The following SESN1 variants were observed in gnomAD, a reference collection of about 807,000 sequenced individuals.
SESN1 encodes sestrin-1.
A neutral mutation model predicts 59.3 loss-of-function variants in SESN1; 30 were observed. The observed-to-expected ratio is 0.51, with a 90% confidence interval of 0.38 to 0.69. The LOEUF (loss-of-function observed/expected upper bound fraction) is 0.69, where lower values mean the gene tolerates loss of function less well. SESN1 is among the 30% of genes least tolerant of loss of function. The pLI is 0.00. For synonymous variants in SESN1, 197 were observed against 219.9 expected, an observed-to-expected ratio of 0.90 and a Z score of 0.92; for missense variants, 566 against 673.0, an observed-to-expected ratio of 0.84 and a Z score of 1.76.
chr6:109,071,468 G>A (rs983333868), intron 1 of SESN1, among the ~76,000 whole-genome samples: 1 of 151,704 alleles, frequency 6.6e-6, no homozygotes, highest in African/African-American at 2.4e-5. Context: ...GCTCAGAGAT[G>A]GTAAGTAACT....
intron 1 of SESN1, among the ~76,000 whole-genome samples, chr6:109,087,773 T>C (rs1781237946): frequency 6.6e-6 from 1 of 152,208 alleles, no homozygotes; most frequent in Non-Finnish European, 1.5e-5. Flanking sequence ...CTGTTATATT[T>C]TATAGCCCCA....
chr6:109,014,605 T>A (rs1317296730), intron 1 of SESN1, among the ~76,000 whole-genome samples: 1 of 152,242 alleles, frequency 6.6e-6, no homozygotes, highest in Non-Finnish European at 1.5e-5. Flanking sequence ...CCCTTGCTTT[T>A]ACTCAGGGTG....
chr6:109,004,782 C>T (rs1779696960), intron 1 of SESN1, among the ~76,000 whole-genome samples: 2 of 152,082 alleles, frequency 1.3e-5, no homozygotes, highest in Admixed American at 1.3e-4. Flanking sequence ...AAAGAAAATA[C>T]AAATGGTTGA....
chr6:109,063,714 A>G (rs1465908106), intron 1 of SESN1, among the ~76,000 whole-genome samples: 2 of 152,138 alleles, frequency 1.3e-5, no homozygotes, highest in Non-Finnish European at 2.9e-5. Flanking sequence ...GTCTTGTGCT[A>G]CCATCTTTTA....
chr6:109,030,893 T>C (rs1780173006), intron 1 of SESN1, among the ~76,000 whole-genome samples: 1 of 152,236 alleles, frequency 6.6e-6, no homozygotes, highest in Non-Finnish European at 1.5e-5. Context: ...AATGCAGGTC[T>C]GCTCTGACTT....
At chr6:109,031,586 A>C (rs1780183333) in intron 1 of SESN1, among the ~76,000 whole-genome samples, 1 of 152,104 alleles carries the variant, frequency 6.6e-6, no homozygotes, top group Non-Finnish European at 1.5e-5. Flanking sequence ...TCCTGGTCTG[A>C]GTTAGATGTC....
At chr6:109,007,230 T>G (rs937686155) in intron 1 of SESN1, among the ~76,000 whole-genome samples, 1 of 152,206 alleles carries the variant, frequency 6.6e-6, no homozygotes, top group Non-Finnish European at 1.5e-5. Flanking sequence ...AAAGACTATG[T>G]TTTTATTGTA....
intron 1 of SESN1, among the ~76,000 whole-genome samples, chr6:109,060,309 G>A (rs1780711023): frequency 6.6e-6 from 1 of 152,128 alleles, no homozygotes; most frequent in African/African-American, 2.4e-5. Context: ...TTTAAAATTA[G>A]TGTCTTGTGT....
rs1488208386 is a variant in SESN1 at position 108,987,085 on chromosome 6, T to A, written c.*459A>T. 1.3e-5 allele frequency: 2 copies of A among 153,558 alleles called. No individual in the cohort carries two copies. Among genetic ancestry groups the A allele is most frequent in the Non-Finnish European group, 2.9e-5 (2 of 68,686 alleles). The allele number at this position is 153,558 out of a possible 1,614,324, so 9.5% of individuals were successfully genotyped here. ...CAGATAGTAGCAATGTTCACTTTTA[T>A]TACTAATAGCTTAACTGAAACAGCC... On this transcript the variant is annotated 3_prime_UTR_variant, in exon 10 of 10. Transcript: ENST00000436639.
chr6:109,028,122 T>G (rs1780123960), intron 1 of SESN1, among the ~76,000 whole-genome samples: 1 of 151,692 alleles, frequency 6.6e-6, no homozygotes, highest in Non-Finnish European at 1.5e-5. Flanking sequence ...ATAAGAAACC[T>G]TTGCCTACCC....
At chr6:109,027,287 A>G (rs375019271) in intron 1 of SESN1, among the ~76,000 whole-genome samples, 1 of 151,972 alleles carries the variant, frequency 6.6e-6, no homozygotes, top group Admixed American at 6.6e-5. Flanking sequence ...AGTCTGGCCA[A>G]CATGGTGAAA....
chr6:109,021,662 G>A (rs528938678), intron 1 of SESN1, among the ~76,000 whole-genome samples: 320 of 152,000 alleles, frequency 2.1e-3, no homozygotes, highest in Admixed American at 4.6e-3. Flanking sequence ...GGCTGGTCTC[G>A]AACTCCTGAC....
At chr6:109,039,122 GAGA>G (rs1031182412) in intron 1 of SESN1, among the ~76,000 whole-genome samples, 21 of 146,388 alleles carry the variant, frequency 1.4e-4, no homozygotes, top group Non-Finnish European at 2.1e-4. Context: ...AAGGAAGGAG[GAGA>G]AGGAGAAAGA....
chr6:108,997,691 G>T (rs1779528545), intron 5 of SESN1, among the ~76,000 whole-genome samples: 1 of 152,082 alleles, frequency 6.6e-6, no homozygotes. Context: ...TAAATTAAAG[G>T]CAATTCAACC....
intron 1 of SESN1, among the ~76,000 whole-genome samples, chr6:109,021,000 C>T (rs1562461742): frequency 2.0e-5 from 3 of 152,054 alleles, no homozygotes; most frequent in Admixed American, 6.6e-5. Context: ...TTAGGAGACA[C>T]TTTATTTTCT....
intron 1 of SESN1, among the ~76,000 whole-genome samples, chr6:109,030,232 A>G (rs1219705351): frequency 6.6e-6 from 1 of 152,192 alleles, no homozygotes; most frequent in Non-Finnish European, 1.5e-5. Flanking sequence ...GGACCCCCCG[A>G]TCTAAGAATC....
chr6:109,081,592 A>ACTGCTAATGG (rs1185958753), intron 1 of SESN1, among the ~76,000 whole-genome samples: 2 of 152,158 alleles, frequency 1.3e-5, no homozygotes, highest in Non-Finnish European at 2.9e-5. Flanking sequence ...AAGCATACAG[A>ACTGCTAATGG]CTGCTAATGG....
chr6:109,011,391 A>T (rs1779855777), intron 1 of SESN1, among the ~76,000 whole-genome samples: 1 of 152,156 alleles, frequency 6.6e-6, no homozygotes, highest in African/African-American at 2.4e-5. Context: ...AAGAAAAATA[A>T]TTTTAATTTA....
intron 1 of SESN1, among the ~76,000 whole-genome samples, chr6:109,062,677 G>A (rs1780751352): frequency 6.6e-6 from 1 of 152,136 alleles, no homozygotes; most frequent in African/African-American, 2.4e-5. Flanking sequence ...TGGTATCTGT[G>A]GGGTACACAT....
Sources: allele counts gnomAD v4.1 joint callset (sites outside exome capture counted in the v4.1 genomes callset), GRCh38; gene constraint gnomAD v4.1.1; transcripts MANE v1.5; gene names NCBI Gene and HGNC (gene_info 2026-07-23, HGNC 2026-07-21).